RERE: variants seen among roughly 807,000 people sequenced by gnomAD.
RERE encodes arginine-glutamic acid dipeptide repeats protein.
Under a neutral mutation model 146.1 loss-of-function variants are expected in RERE, and 40 were observed. The ratio of observed to expected loss-of-function variants is 0.27; its 90% CI spans 0.21 to 0.36. The LOEUF is 0.36. Ranked by LOEUF, RERE falls within the 10% of genes least tolerant of loss-of-function variation. RERE has a pLI of 1.00. For synonymous variants in RERE, 1,003 were observed against 866.0 expected (o/e 1.16, Z -2.78); for missense variants, 1,933 against 2,138.7 (o/e 0.90, Z 1.90).
At chr1:8,588,843 G>T (rs554803004) in intron 4 of RERE, among the ~76,000 whole-genome samples, 16 of 152,270 alleles carry the variant, frequency 1.1e-4, no homozygotes, top group African/African-American at 3.6e-4. Context: ...ACTGACTGAG[G>T]CTGGGCACAG....
At chr1:8,742,580 G>T (rs777865056) in intron 1 of RERE, among the ~76,000 whole-genome samples, 5 of 152,150 alleles carry the variant, frequency 3.3e-5, no homozygotes, top group Non-Finnish European at 5.9e-5. Flanking sequence ...CAGCGCTTTG[G>T]GAGGCCGAGG....
chr1:8,438,073 C>T (rs559809914), intron 11 of RERE, among the ~76,000 whole-genome samples: 8 of 152,280 alleles, frequency 5.3e-5, no homozygotes, highest in South Asian at 2.1e-4. Flanking sequence ...GTGGAGCTTC[C>T]GGGCTCAAAT....
At chr1:8,433,456 C>T (rs1557629946) in intron 11 of RERE, among the ~76,000 whole-genome samples, 1 of 151,596 alleles carries the variant, frequency 6.6e-6, no homozygotes, top group Non-Finnish European at 1.5e-5. Flanking sequence ...TCAGCACACA[C>T]AAAAAAGACC....
chr1:8,554,630 A>G (rs1477898797), intron 6 of RERE, among the ~76,000 whole-genome samples: 1 of 148,662 alleles, frequency 6.7e-6, no homozygotes, highest in African/African-American at 2.5e-5. Flanking sequence ...AGTGAGCCAT[A>G]ATCTCACCAC....
At chr1:8,362,631 T>A in intron 16 of RERE, 52 bp downstream of exon 16, 1 of 1,611,868 alleles carries the variant, frequency 6.2e-7, no homozygotes, top group Non-Finnish European at 8.5e-7. Flanking sequence ...GCAAACCAGT[T>A]TTAATGTGAG....
At chr1:8,772,785 A>T (rs1011620241) in intron 1 of RERE, among the ~76,000 whole-genome samples, 1 of 151,152 alleles carries the variant, frequency 6.6e-6, no homozygotes, top group South Asian at 2.1e-4. Flanking sequence ...TCTCAAAAAA[A>T]GAAAAGAAAA....
At chr1:8,564,963 G>A (rs1445235176) in intron 4 of RERE, among the ~76,000 whole-genome samples, 2 of 151,600 alleles carry the variant, frequency 1.3e-5, no homozygotes, top group Non-Finnish European at 2.9e-5. Context: ...ATTATGCTAA[G>A]TTAAATAAGC....
intron 4 of RERE, among the ~76,000 whole-genome samples, chr1:8,560,571 C>T (rs753125940): frequency 1.2e-4 from 18 of 152,100 alleles, no homozygotes; most frequent in Non-Finnish European, 2.4e-4. Flanking sequence ...GGCACATTAC[C>T]GAGATTCTCC....
chr1:8,779,025 T>A (rs1641118186), intron 1 of RERE, among the ~76,000 whole-genome samples: 1 of 151,434 alleles, frequency 6.6e-6, no homozygotes, highest in South Asian at 2.1e-4. Context: ...TTTTGTATTT[T>A]TAGTAGAGAC....
In RERE at chr1:8,815,849, G is replaced by C. The variant is rs1027639106; in HGVS notation, c.-145+1311C>G. ...TGGTATTGTGTGTGTGTGTATGTGT[G>C]TGTGTGTGTGTGTATATGTGTGTCT... On this transcript the variant is annotated intron_variant, in intron 1 of 22. Coordinates refer to ENST00000400908, the MANE Select transcript of RERE (RefSeq NM_001042681.2). Among the ~76,000 whole-genome samples the C allele has an allele frequency of 3.3e-5, 5 of 152,016 alleles. No homozygotes were observed. The East Asian group carries it at 9.6e-4, about 29-fold the overall frequency.
intron 1 of RERE, among the ~76,000 whole-genome samples, chr1:8,662,255 A>G (rs1638472551): frequency 6.6e-6 from 1 of 152,216 alleles, no homozygotes; most frequent in Admixed American, 6.5e-5. Flanking sequence ...AGCCTCTACA[A>G]ACACCATCTT....
intron 11 of RERE, among the ~76,000 whole-genome samples, chr1:8,459,263 G>A (rs1644493193): frequency 6.6e-6 from 1 of 152,018 alleles, no homozygotes; most frequent in Non-Finnish European, 1.5e-5. Flanking sequence ...CTCACTATAG[G>A]TCACATTAAG....
At chr1:8,486,181 T>G (rs1165470823) in intron 10 of RERE, among the ~76,000 whole-genome samples, 1 of 150,726 alleles carries the variant, frequency 6.6e-6, no homozygotes, top group Non-Finnish European at 1.5e-5. Context: ...AGAGAAGATA[T>G]GAATACTAAC....
chr1:8,595,656 G>C (rs1287937404), intron 4 of RERE, among the ~76,000 whole-genome samples: 2 of 151,982 alleles, frequency 1.3e-5, no homozygotes, highest in Admixed American at 6.6e-5. Context: ...ATTGCTCCTA[G>C]CATTTAAACA....
intron 8 of RERE, among the ~76,000 whole-genome samples, chr1:8,501,142 G>C (rs1186959817): frequency 6.8e-6 from 1 of 146,624 alleles, no homozygotes; most frequent in Non-Finnish European, 1.5e-5. Context: ...TGCCCGGCCA[G>C]CTGCCCCGTC....
chr1:8,774,393 GC>G (rs1387149508), intron 1 of RERE, among the ~76,000 whole-genome samples: 1 of 107,336 alleles, frequency 9.3e-6, no homozygotes, highest in African/African-American at 3.7e-5. Context: ...CGCTCTTGTT[GC>G]CCAGGCTGGA....
At chr1:8,692,425 G>T (rs2124420506) in intron 1 of RERE, among the ~76,000 whole-genome samples, 1 of 150,558 alleles carries the variant, frequency 6.6e-6, no homozygotes, top group Non-Finnish European at 1.5e-5. Context: ...TCAGCTCACT[G>T]CAACTTCTGC....
At chr1:8,381,204 A>G in intron 12 of RERE, 1 of 354,290 alleles carries the variant, frequency 2.8e-6, no homozygotes, top group South Asian at 2.1e-5. Flanking sequence ...TACATCACTG[A>G]GTCCTGCAGG....
chr1:8,771,909 CAAAAAAAA>C (rs768264978), intron 1 of RERE, among the ~76,000 whole-genome samples: 6 of 59,448 alleles, frequency 1.0e-4, no homozygotes, highest in Non-Finnish European at 1.8e-4. Context: ...GACTCTGTCT[CAAAAAAAA>C]AAAAAAAAAA....
Sources: allele counts gnomAD v4.1 joint callset (sites outside exome capture counted in the v4.1 genomes callset), GRCh38; gene constraint gnomAD v4.1.1; transcripts MANE v1.5; gene names NCBI Gene and HGNC (gene_info 2026-07-23, HGNC 2026-07-21).